The following CDH2 variants were observed in gnomAD, a reference collection of about 807,000 sequenced individuals.
CDH2 encodes cadherin 2.
Under a neutral mutation model 92.0 loss-of-function variants are expected in CDH2, and 17 were observed. That is an observed-to-expected ratio of 0.18 (90% CI 0.13 to 0.28). The LOEUF is 0.28. Ranked by LOEUF, CDH2 falls within the 10% of genes least tolerant of loss-of-function variation. The pLI is 1.00. For missense variants in CDH2, 862 were observed against 1,133.1 expected (o/e 0.76, Z 3.44); for synonymous variants, 419 against 415.9 (o/e 1.01, Z -0.09).
intron 1 of CDH2, among the ~76,000 whole-genome samples, chr18:28,161,085 G>A (rs1330281062): frequency 1.3e-5 from 2 of 152,270 alleles, no homozygotes; most frequent in East Asian, 1.9e-4. Context: ...CAGCATCCAG[G>A]AAAGGTTAAA....
chr18:28,008,941 T>TCATA (rs2013020372), intron 5 of CDH2, among the ~76,000 whole-genome samples: 1 of 152,208 alleles, frequency 6.6e-6, no homozygotes, highest in African/African-American at 2.4e-5. Flanking sequence ...AAGTAGCTAG[T>TCATA]CATAAAGGAA....
chr18:28,118,065 G>A (rs1208380770), intron 2 of CDH2, among the ~76,000 whole-genome samples: 2 of 151,284 alleles, frequency 1.3e-5, no homozygotes, highest in African/African-American at 4.9e-5. Context: ...ATCAAGTTTA[G>A]GGCAACACAC....
intron 2 of CDH2, among the ~76,000 whole-genome samples, chr18:28,051,623 A>G (rs1186567262): frequency 6.6e-6 from 1 of 152,132 alleles, no homozygotes; most frequent in Non-Finnish European, 1.5e-5. Context: ...CTTTTCTGTA[A>G]ATTAACCTTA....
chr18:27,942,402 C>T (rs1909160887), intron 6 of CDH2, among the ~76,000 whole-genome samples: 1 of 152,074 alleles, frequency 6.6e-6, no homozygotes, highest in Non-Finnish European at 1.5e-5. Flanking sequence ...TTACAATGCT[C>T]CAGGTGTCCC....
intron 2 of CDH2, among the ~76,000 whole-genome samples, chr18:28,142,158 G>C (rs929376985): frequency 6.6e-6 from 1 of 151,966 alleles, no homozygotes; most frequent in Non-Finnish European, 1.5e-5. Flanking sequence ...CGGCCTGTGC[G>C]ATCTTAAAAG....
At chr18:28,007,618 T>C (rs970625328) in intron 5 of CDH2, among the ~76,000 whole-genome samples, 5 of 152,230 alleles carry the variant, frequency 3.3e-5, no homozygotes, top group South Asian at 4.1e-4. Context: ...ATTACATTAA[T>C]AGATTCTTAA....
At chr18:28,003,319 A>G in intron 6 of CDH2, 150 bp from the exon 7 acceptor site, 2 of 565,870 alleles carry the variant, frequency 3.5e-6, no homozygotes, top group Non-Finnish European at 6.1e-6. Flanking sequence ...AATGCTACTC[A>G]TAAGAACAGT....
chr18:27,990,303 T>G lies in CDH2; in HGVS notation c.1392A>C (p.Ala464=). 6.2e-7 allele frequency: 1 copy of G among 1,613,886 alleles called. No individual in the cohort carries two copies. Among genetic ancestry groups the G allele is most frequent in the Non-Finnish European group, 8.5e-7 (1 of 1,179,776 alleles). ...CCTTGGCTAATGGCACTTGATTTTCTGCAGCAACAGTAAGGACAAACATCC... is the reference window on the plus strand; with the variant it reads ...CCTTGGCTAATGGCACTTGATTTTCGGCAGCAACAGTAAGGACAAACATCC... The part of the protein sequence containing the change: ...TNRMFVLTVA[A]ENQVPLAKGI... The change falls in exon 10 of 16, where the codon GCA becomes GCC. Residue 464 remains alanine, a synonymous_variant. Coordinates refer to ENST00000269141, the MANE Select transcript of CDH2 (RefSeq NM_001792.5).
intron 10 of CDH2, 127 bp downstream of exon 10, chr18:27,989,970 A>G: frequency 2.6e-6 from 2 of 759,684 alleles, no homozygotes; most frequent in Non-Finnish European, 4.2e-6. Flanking sequence ...AAAGAATTTT[A>G]AATTATCTTT....
At chr18:28,008,937 C>T (rs2013020130) in intron 5 of CDH2, among the ~76,000 whole-genome samples, 1 of 151,982 alleles carries the variant, frequency 6.6e-6, no homozygotes, top group Non-Finnish European at 1.5e-5. Flanking sequence ...GGACAAGTAG[C>T]TAGTCATAAA....
chr18:28,069,237 C>A (rs540000659), intron 2 of CDH2, among the ~76,000 whole-genome samples: 2 of 152,218 alleles, frequency 1.3e-5, no homozygotes, highest in African/African-American at 2.4e-5. Flanking sequence ...TAATGCCAAC[C>A]TTTCCTTGGT....
downstream of CDH2, among the ~76,000 whole-genome samples, chr18:27,948,367 T>C (rs1202804439): frequency 6.6e-6 from 1 of 151,946 alleles, no homozygotes; most frequent in Non-Finnish European, 1.5e-5. Flanking sequence ...GAAAGTTAGA[T>C]TTCTGCATCA....
At chr18:28,048,467 GATAA>G (rs1474047068) in intron 2 of CDH2, among the ~76,000 whole-genome samples, 1 of 152,140 alleles carries the variant, frequency 6.6e-6, no homozygotes, top group Non-Finnish European at 1.5e-5. Flanking sequence ...TCACAAGGGC[GATAA>G]ATAATGATTC....
intron 1 of CDH2, 39 bp downstream of exon 1, chr18:28,176,924 A>G: frequency 1.2e-6 from 1 of 829,012 alleles, no homozygotes; most frequent in Non-Finnish European, 1.6e-6. Flanking sequence ...CGCCCGCCCC[A>G]CCCCGCCCGT....
chr18:27,955,723 A>C (rs2011227819), intron 15 of CDH2, among the ~76,000 whole-genome samples: 1 of 143,138 alleles, frequency 7.0e-6, no homozygotes, highest in African/African-American at 2.6e-5. Context: ...CTTTCTGATC[A>C]TCCTGGTAGT....
At chr18:28,053,366 G>T (rs932172278) in intron 2 of CDH2, among the ~76,000 whole-genome samples, 6 of 152,232 alleles carry the variant, frequency 3.9e-5, no homozygotes, top group African/African-American at 1.4e-4. Flanking sequence ...AACCTATTAT[G>T]CTTAAGAAGA....
At chr18:27,970,315 G>A (rs969259487) in intron 14 of CDH2, among the ~76,000 whole-genome samples, 1 of 152,074 alleles carries the variant, frequency 6.6e-6, no homozygotes, top group Non-Finnish European at 1.5e-5. Context: ...TTCACCTCGA[G>A]TTCCAATTTC....
At chr18:28,052,217 T>C (rs981554800) in intron 2 of CDH2, among the ~76,000 whole-genome samples, 1 of 152,220 alleles carries the variant, frequency 6.6e-6, no homozygotes, top group Non-Finnish European at 1.5e-5. Flanking sequence ...AGAAGAGTCA[T>C]AATTTCAATT....
At chr18:27,966,037 A>AATG (rs913071384) in intron 14 of CDH2, among the ~76,000 whole-genome samples, 5 of 149,904 alleles carry the variant, frequency 3.3e-5, no homozygotes, top group African/African-American at 1.2e-4. Flanking sequence ...GAGAAATTTT[A>AATG]ATGCTTTCAC....
Sources: allele counts gnomAD v4.1 joint callset (sites outside exome capture counted in the v4.1 genomes callset), GRCh38; gene constraint gnomAD v4.1.1; transcripts MANE v1.5; gene names NCBI Gene and HGNC (gene_info 2026-07-23, HGNC 2026-07-21).